UBL4B: variants seen among roughly 807,000 people sequenced by gnomAD.
UBL4B encodes the protein ubiquitin-like protein 4B.
For missense variants in UBL4B, 194 were observed against 209.9 expected (o/e 0.92, Z 0.47); for synonymous variants, 94 against 92.8 (o/e 1.01, Z -0.08).
Position 110,113,161 on chromosome 1 carries a change from C to A in UBL4B, c.*102C>A. The A allele has an allele frequency of 7.0e-7, 1 of 1,436,340 alleles. No homozygotes were observed. Among genetic ancestry groups the A allele is most frequent in the Non-Finnish European group, 9.2e-7 (1 of 1,085,290 alleles). The allele number at this position is 1,436,340 out of a possible 1,614,324, so 89.0% of individuals were successfully genotyped here. A position where few individuals can be genotyped will look rare whatever the true frequency, so the allele number is the denominator to read the frequency against. On this transcript the variant is annotated 3_prime_UTR_variant, in exon 1 of 1. Transcript: ENST00000334179. ...TACTTCCTGCTGATGTGGATGCGTC[C>A]ACACCCCTTTTTGAACCTTCCAAGC...
chr1:110,113,194 G>T lies in UBL4B; in HGVS notation c.*135G>T. ...TTTTTGAACCTTCCAAGCAGCTGGA[G>T]GGTTTTTGGATCCCTGTCCCCTCTT... On this transcript the variant is annotated 3_prime_UTR_variant, in exon 1 of 1. Coordinates refer to ENST00000334179, the MANE Select transcript of UBL4B (RefSeq NM_203412.2). 1 of 1,331,650 alleles carries T rather than the reference G, an allele frequency of 7.5e-7. No homozygotes were observed. Among genetic ancestry groups the T allele is most frequent in the Non-Finnish European group, 1.0e-6 (1 of 994,350 alleles). 82.5% of individuals were successfully genotyped at this position (1,331,650 alleles called of 1,614,324 possible).
rs1010745382 is a variant in UBL4B at position 110,113,431 on chromosome 1, C to A, written c.*372C>A. 2 of 211,956 alleles carry A rather than the reference C, an allele frequency of 9.4e-6. No individual in the cohort carries two copies. Among genetic ancestry groups the A allele is most frequent in the Non-Finnish European group, 2.1e-5 (2 of 96,754 alleles). 13.1% of individuals were successfully genotyped at this position (211,956 alleles called of 1,614,324 possible). A position where few individuals can be genotyped will look rare whatever the true frequency, so the allele number is the denominator to read the frequency against. ...TTCTAGGCAGACCCTCTTTCTCCTT[C>A]GGGACAGAAAGACAATGTGAGTTCA... On this transcript the variant is annotated 3_prime_UTR_variant, in exon 1 of 1. Transcript: ENST00000334179.
chr1:110,113,432 G>A lies in UBL4B; in HGVS notation c.*373G>A, dbSNP rs1025804267. On this transcript the variant is annotated 3_prime_UTR_variant, in exon 1 of 1. Transcript: ENST00000334179. ...TCTAGGCAGACCCTCTTTCTCCTTC[G>A]GGACAGAAAGACAATGTGAGTTCAT... is the stretch of plus-strand genomic sequence containing the variant. The A allele has an allele frequency of 9.5e-6, 2 of 210,092 alleles. No homozygotes were observed. Among genetic ancestry groups the A allele is most frequent in the Non-Finnish European group, 2.1e-5 (2 of 95,484 alleles). The allele number at this position is 210,092 out of a possible 1,614,324, so 13.0% of individuals were successfully genotyped here.
Position 110,113,011 on chromosome 1 carries a change from G to C in UBL4B, c.477G>C (p.Gln159His). Residue 159 changes from glutamine (Q) to histidine (H), a missense_variant, in exon 1 of 1, where the codon CAG (glutamine) becomes CAC (histidine). Transcript: ENST00000334179. ...ERELEAKARP[Q>H]SSCDMEEKEE... Reference sequence around the variant, plus strand: ...AGCTTGAGGCGAAGGCACGGCCTCAGAGCTCCTGTGACATGGAGGAGAAGG... The same window carrying C: ...AGCTTGAGGCGAAGGCACGGCCTCACAGCTCCTGTGACATGGAGGAGAAGG... The C allele has an allele frequency of 6.2e-7, 1 of 1,602,554 alleles. No homozygotes were observed. The highest frequency in any genetic ancestry group is 8.5e-7 in the Non-Finnish European group (1 of 1,175,626).
Position 110,112,479 on chromosome 1 carries a change from C to A in UBL4B, c.-56C>A. ...GAAGCCAACATCTCCCGCAGGACCC[C>A]CTAATCTTCAGGGCAGCTCCCAGAG... On this transcript the variant is annotated 5_prime_UTR_variant, in exon 1 of 1. Transcript: ENST00000334179. The A allele has an allele frequency of 6.5e-7, 1 of 1,542,630 alleles. No individual in the cohort carries two copies. The highest frequency in any genetic ancestry group is 8.7e-7 in the Non-Finnish European group (1 of 1,145,182).
In UBL4B at chr1:110,112,936, C is replaced by T; in HGVS notation, c.402C>T (p.Ala134=). The T allele has an allele frequency of 6.2e-7, 1 of 1,609,138 alleles. No individual in the cohort carries two copies. Among genetic ancestry groups the T allele is most frequent in the Non-Finnish European group, 8.5e-7 (1 of 1,178,062 alleles). Residue 134 remains alanine (A), a synonymous_variant, in exon 1 of 1, where the codon GCC becomes GCT. Coordinates refer to ENST00000334179, the MANE Select transcript of UBL4B (RefSeq NM_203412.2). ...GCCTGGAGCACCTGGAGCAGCTGGC[C>T]CAGTACCTCCTGGCAGAGGAGCCTC... ...KISLEHLEQL[A]QYLLAEEPHV...
chr1:110,113,150 G>A lies in UBL4B; in HGVS notation c.*91G>A. Reference sequence around the variant, plus strand: ...ACTTTTCCTACTACTTCCTGCTGATGTGGATGCGTCCACACCCCTTTTTGA... The same window carrying A: ...ACTTTTCCTACTACTTCCTGCTGATATGGATGCGTCCACACCCCTTTTTGA... On this transcript the variant is annotated 3_prime_UTR_variant, in exon 1 of 1. Coordinates refer to ENST00000334179, the MANE Select transcript of UBL4B (RefSeq NM_203412.2). 9 of 1,456,388 alleles carry A rather than the reference G, an allele frequency of 6.2e-6. No homozygotes were observed. In the South Asian group the frequency reaches 1.3e-4, roughly 21 times the overall value. The allele number at this position is 1,456,388 out of a possible 1,614,324, so 90.2% of individuals were successfully genotyped here. A position where few individuals can be genotyped will look rare whatever the true frequency, so the allele number is the denominator to read the frequency against.
chr1:110,113,125 A>T lies in UBL4B; in HGVS notation c.*66A>T. 6.7e-7 allele frequency: 1 copy of T among 1,482,680 alleles called. No individual in the cohort carries two copies. The highest frequency in any genetic ancestry group is 9.0e-7 in the Non-Finnish European group (1 of 1,116,590). 91.8% of individuals were successfully genotyped at this position (1,482,680 alleles called of 1,614,324 possible). A position where few individuals can be genotyped will look rare whatever the true frequency, so the allele number is the denominator to read the frequency against. On this transcript the variant is annotated 3_prime_UTR_variant, in exon 1 of 1. Transcript: ENST00000334179. The stretch of plus-strand genomic sequence containing the variant: ...CCTCATCCTTACGTGTTCCCTGGTG[A>T]CTTTTCCTACTACTTCCTGCTGATG...
rs1654836578 is a variant in UBL4B at position 110,113,075 on chromosome 1, C to T, written c.*16C>T. 12 of 1,533,730 alleles carry T rather than the reference C, an allele frequency of 7.8e-6. No individual in the cohort carries two copies. Among genetic ancestry groups the T allele is most frequent in the East Asian group, 2.3e-5 (1 of 44,216 alleles). On this transcript the variant is annotated 3_prime_UTR_variant, in exon 1 of 1. Transcript: ENST00000334179. ...TGATCAGTAAACGGGCCATCCTACC[C>T]ATTTGCATGCTAAAATTCTCCCGGC...
In UBL4B at chr1:110,112,969, G is replaced by A. The variant is rs200683368; in HGVS notation, c.435G>A (p.Glu145=). The part of the protein sequence containing the change: ...QYLLAEEPHV[E]PAGERELEAK... ...TCCTGGCAGAGGAGCCTCACGTGGA[G>A]CCAGCTGGAGAGAGGGAGCTTGAGG... is the stretch of plus-strand genomic sequence containing the variant. The change falls in exon 1 of 1, where the codon GAG becomes GAA. Residue 145 remains glutamate (E), a synonymous_variant. Coordinates refer to ENST00000334179, the MANE Select transcript of UBL4B (RefSeq NM_203412.2). The A allele has an allele frequency of 3.9e-5, 62 of 1,607,018 alleles. No homozygotes were observed. The African/African-American group carries it at 6.9e-4, about 18-fold the overall frequency.
rs772440864 is a variant in UBL4B at position 110,112,679 on chromosome 1, C to T, written c.145C>T (p.Leu49Phe). ...EQQHLLFRGQLLEDDKHLSDY... is the reference protein window; with the variant it reads ...EQQHLLFRGQFLEDDKHLSDY... ...GCAGCACCTGCTTTTCCGTGGCCAG[C>T]TCCTGGAGGATGACAAGCACCTCTC... The change falls in exon 1 of 1, where the codon CTC becomes TTC. Residue 49 changes from leucine to phenylalanine, a missense_variant. Leu to Phe is a conservative substitution (Grantham distance 22, BLOSUM62 0). Transcript: ENST00000334179. The T allele has an allele frequency of 6.2e-7, 1 of 1,614,034 alleles. No homozygotes were observed. Among genetic ancestry groups the T allele is most frequent in the African/African-American group, 1.3e-5 (1 of 74,932 alleles).
At position 110,112,941 on chromosome 1, in the gene UBL4B, A is replaced by G. The variant is rs1654830649; in HGVS notation, c.407A>G (p.Tyr136Cys). The G allele has an allele frequency of 6.2e-7, 1 of 1,607,942 alleles. No homozygotes were observed. Among genetic ancestry groups the G allele is most frequent in the African/African-American group, 1.3e-5 (1 of 74,798 alleles). The change falls in exon 1 of 1, where the codon TAC becomes TGC. Residue 136 changes from tyrosine (Y) to cysteine (C), a missense_variant. Physicochemically the swap from Tyr to Cys is radical, Grantham distance 194. Transcript: ENST00000334179. ...GAGCACCTGGAGCAGCTGGCCCAGT[A>G]CCTCCTGGCAGAGGAGCCTCACGTG... ...SLEHLEQLAQ[Y>C]LLAEEPHVEP... is the part of the protein sequence containing the mutation.
In UBL4B at chr1:110,112,593, A is replaced by G. The variant is rs770225234; in HGVS notation, c.59A>G (p.Gln20Arg). 1.2e-6 allele frequency: 2 copies of G among 1,614,102 alleles called. No homozygotes were observed. The highest frequency in any genetic ancestry group is 1.7e-6 in the Non-Finnish European group (2 of 1,180,042). Residue 20 changes from glutamine (Q) to arginine (R), a missense_variant, in exon 1 of 1, where the codon CAA becomes CGA. By Grantham distance (43) the Gln-to-Arg change is conservative (BLOSUM62 1). Coordinates refer to ENST00000334179, the MANE Select transcript of UBL4B (RefSeq NM_203412.2). Reference sequence around the variant, plus strand: ...AGATGCAGTCTGAAGGTGTCAGGGCAAGAGAGTGTAGCCACGCTGAAGAGA... The same window carrying G: ...AGATGCAGTCTGAAGGTGTCAGGGCGAGAGAGTGTAGCCACGCTGAAGAGA... ...GQRCSLKVSGQESVATLKRLV... is the reference protein window; with the variant it reads ...GQRCSLKVSGRESVATLKRLV...
Position 110,112,996 on chromosome 1 carries a change from G to T in UBL4B, c.462G>T (p.Ala154=). 6.2e-7 allele frequency: 1 copy of T among 1,607,158 alleles called. No individual in the cohort carries two copies. Among genetic ancestry groups the T allele is most frequent in the African/African-American group, 1.3e-5 (1 of 74,882 alleles). Residue 154 remains alanine (A), a synonymous_variant, in exon 1 of 1, where the codon GCG becomes GCT. Coordinates refer to ENST00000334179, the MANE Select transcript of UBL4B (RefSeq NM_203412.2). ...VEPAGERELE[A]KARPQSSCDM... ...CAGCTGGAGAGAGGGAGCTTGAGGC[G>T]AAGGCACGGCCTCAGAGCTCCTGTG...
rs1266830544 is a variant in UBL4B at position 110,112,740 on chromosome 1, T to A, written c.206T>A (p.Val69Asp). The A allele has an allele frequency of 2.5e-6, 4 of 1,614,014 alleles. No individual in the cohort carries two copies. In the East Asian group the frequency reaches 8.9e-5, roughly 36 times the overall value. Residue 69 changes from valine to aspartate, a missense_variant, in exon 1 of 1, where the codon GTC (valine) becomes GAC (aspartate). Transcript: ENST00000334179. ...YCIGPNASIN[V>D]IMQPLEKMAL... Reference sequence around the variant, plus strand: ...ATTGGGCCCAATGCCTCTATCAATGTCATCATGCAGCCCTTGGAGAAGATG... The same window carrying A: ...ATTGGGCCCAATGCCTCTATCAATGACATCATGCAGCCCTTGGAGAAGATG...
Position 110,113,021 on chromosome 1 carries a change from G to C in UBL4B, c.487G>C (p.Asp163His). 1 of 1,595,732 alleles carries C rather than the reference G, an allele frequency of 6.3e-7. No homozygotes were observed. Among genetic ancestry groups the C allele is most frequent in the East Asian group, 2.2e-5 (1 of 44,764 alleles). Residue 163 changes from aspartate (D) to histidine (H), a missense_variant, in exon 1 of 1, where the codon GAC becomes CAC. Physicochemically the swap from Asp to His is moderately conservative, Grantham distance 81. Transcript: ENST00000334179. The stretch of plus-strand genomic sequence containing the variant: ...GAAGGCACGGCCTCAGAGCTCCTGT[G>C]ACATGGAGGAGAAGGAGGAGGCAGC... Reference protein sequence around the residue: ...EAKARPQSSCDMEEKEEAAAD... With the variant: ...EAKARPQSSCHMEEKEEAAAD...
At position 110,112,472 on chromosome 1, in the gene UBL4B, A is replaced by G. The variant is rs1654817908; in HGVS notation, c.-63A>G. 3 of 1,533,294 alleles carry G rather than the reference A, an allele frequency of 2.0e-6. No individual in the cohort carries two copies. Among genetic ancestry groups the G allele is most frequent in the Non-Finnish European group, 2.6e-6 (3 of 1,141,324 alleles). 95.0% of individuals were successfully genotyped at this position (1,533,294 alleles called of 1,614,324 possible). On this transcript the variant is annotated 5_prime_UTR_variant, in exon 1 of 1. Coordinates refer to ENST00000334179, the MANE Select transcript of UBL4B (RefSeq NM_203412.2). ...ATAGGGAGAAGCCAACATCTCCCGCAGGACCCCCTAATCTTCAGGGCAGCT... is the reference window on the plus strand; with the variant it reads ...ATAGGGAGAAGCCAACATCTCCCGCGGGACCCCCTAATCTTCAGGGCAGCT...
rs372349264 is a variant in UBL4B, at chr1:110,112,788, C to T, written c.254C>T (p.Pro85Leu). 60 of 1,613,818 alleles carry T rather than the reference C, an allele frequency of 3.7e-5. No homozygotes were observed. In the Admixed American group the frequency reaches 4.3e-4, roughly 12 times the overall value. Reference protein sequence around the residue: ...EKMALKEAHQPQTQPLWHQLG... With the variant: ...EKMALKEAHQLQTQPLWHQLG... ...ATGGCGCTAAAGGAGGCCCACCAGC[C>T]GCAGACCCAGCCCCTGTGGCACCAG... The change falls in exon 1 of 1, where the codon CCG (proline) becomes CTG (leucine). Residue 85 changes from proline (P) to leucine (L), a missense_variant. Pro to Leu is a moderately conservative substitution (Grantham distance 98). Coordinates refer to ENST00000334179, the MANE Select transcript of UBL4B (RefSeq NM_203412.2).
Position 110,113,663 on chromosome 1 carries a change from GACAGAC to G in UBL4B, c.*611_*616del, listed in dbSNP as rs1458194944. On this transcript the variant is annotated 3_prime_UTR_variant, in exon 1 of 1. Coordinates refer to ENST00000334179, the MANE Select transcript of UBL4B (RefSeq NM_203412.2). ...GTGCCAGCCCTGGAGCCCTCAGGGA[GACAGAC>G]ACAGACCAAGAATAGCAGGAAACTG... The G allele has an allele frequency of 6.0e-6, 1 of 167,872 alleles. No homozygotes were observed. The highest frequency in any genetic ancestry group is 1.5e-5 in the Non-Finnish European group (1 of 68,822). 10.4% of individuals were successfully genotyped at this position (167,872 alleles called of 1,614,324 possible). A position where few individuals can be genotyped will look rare whatever the true frequency, so the allele number is the denominator to read the frequency against.
Sources: gnomAD v4.1 joint callset for allele counts on GRCh38, gnomAD v4.1.1 for gene constraint, MANE v1.5 for transcripts, NCBI Gene and HGNC (gene_info 2026-07-23, HGNC 2026-07-21) for gene names.